The following RTCB variants were observed in gnomAD, a reference collection of about 807,000 sequenced individuals.
RTCB encodes RNA 2',3'-cyclic phosphate and 5'-OH ligase.
RTCB carries 32 observed loss-of-function variants against 58.2 expected under a neutral mutation model. The observed-to-expected ratio is 0.55, with a 90% CI of 0.41 to 0.74. RTCB has a LOEUF of 0.74. Ranked by LOEUF, RTCB falls within the 30% of genes least tolerant of loss-of-function variation. The pLI is 0.00. For synonymous variants in RTCB, 247 were observed against 218.6 expected, an observed-to-expected ratio of 1.13 and a Z score of -1.15; for missense variants, 523 against 639.0, an observed-to-expected ratio of 0.82 and a Z score of 1.96.
chr22:32,387,833 T>C lies in RTCB; in HGVS notation c.*159A>G. 5.3e-6 allele frequency: 3 copies of C among 561,704 alleles called. No homozygotes were observed. The highest frequency in any genetic ancestry group is 2.9e-5 in the Admixed American group (1 of 34,232). 34.8% of individuals were successfully genotyped at this position (561,704 alleles called of 1,614,324 possible). On this transcript the variant is annotated 3_prime_UTR_variant, in exon 12 of 12. Coordinates refer to ENST00000216038, the MANE Select transcript of RTCB (RefSeq NM_014306.5). The stretch of plus-strand genomic sequence containing the variant: ...AGGTTATTTTACAAGCACGGGCCCC[T>C]GAAAGCAGCAGCCTCCCCATCAGCC...
intron 11 of RTCB, 79 bp downstream of exon 11, chr22:32,392,161 A>AAAAGGAAACATCTAGTAT (rs1933163543): frequency 2.1e-6 from 3 of 1,452,790 alleles, no homozygotes; most frequent in Non-Finnish European, 2.8e-6. Context: ...TAACACCCTA[A>AAAAGGAAACATCTAGTAT]ATTGCTGTCT....
In RTCB at chr22:32,399,769, T is replaced by C. The variant is rs1933305421; in HGVS notation, c.498-10A>G. ...GGCCTCCTCCAAGTCTCTGGATAAG[T>C]ATAAAAGGTGCTAGTCATCTCACAG... On this transcript the variant is annotated splice_polypyrimidine_tract_variant and intron_variant, in intron 5 of 11. Coordinates refer to ENST00000216038, the MANE Select transcript of RTCB (RefSeq NM_014306.5). The C allele has an allele frequency of 1.9e-6, 3 of 1,609,952 alleles. No individual in the cohort carries two copies. Among genetic ancestry groups the C allele is most frequent in the South Asian group, 1.1e-5 (1 of 90,558 alleles).
chr22:32,402,221 C>T (rs929876444), intron 4 of RTCB, among the ~76,000 whole-genome samples: 1 of 152,178 alleles, frequency 6.6e-6, no homozygotes, highest in South Asian at 2.1e-4. Context: ...TCAGTCTTTT[C>T]AAATAACCAA....
Position 32,396,086 on chromosome 22 carries a change from G to A in RTCB, c.978C>T (p.Phe326=). The A allele has an allele frequency of 1.9e-6, 3 of 1,614,020 alleles. No individual in the cohort carries two copies. Among genetic ancestry groups the A allele is most frequent in the Non-Finnish European group, 2.5e-6 (3 of 1,179,906 alleles). The change falls in exon 8 of 12, where the codon TTC becomes TTT. Residue 326 remains phenylalanine, a synonymous_variant. Transcript: ENST00000216038. The stretch of plus-strand genomic sequence containing the variant: ...ACTTCTACTGTACCTGACGGGTTAA[G>A]AAGGTCATGGAAGAGCGGTTGACCC... ...YAWVNRSSMT[F]LTRQAFAKVF...
At chr22:32,390,868 A>AT (rs1045167738) in intron 11 of RTCB, among the ~76,000 whole-genome samples, 13 of 151,154 alleles carry the variant, frequency 8.6e-5, no homozygotes, top group South Asian at 4.2e-4. Flanking sequence ...TTTTTTCCTT[A>AT]TTTTTTTTTA....
At position 32,395,206 on chromosome 22, in the gene RTCB, G is replaced by C; in HGVS notation, c.999C>G (p.Ala333=). 1.1e-5 allele frequency: 17 copies of C among 1,613,986 alleles called. No individual in the cohort carries two copies. Among genetic ancestry groups the C allele is most frequent in the Non-Finnish European group, 1.4e-5 (17 of 1,179,922 alleles). Residue 333 remains alanine (A), a synonymous_variant, in exon 9 of 12, where the codon GCC becomes GCG. Transcript: ENST00000216038. ...CATCAGGGGTTGTGTTGAAGACCTT[G>C]GCGAAAGCCTAGGAGAAAACACAGA... is the stretch of plus-strand genomic sequence containing the variant. ...SMTFLTRQAF[A]KVFNTTPDDL... is the part of the protein sequence containing the mutation.
intron 8 of RTCB, 56 bp from the exon 9 acceptor site, chr22:32,395,270 T>A (rs1313762455): frequency 1.0e-5 from 15 of 1,454,196 alleles, no homozygotes; most frequent in Non-Finnish European, 1.4e-5. Context: ...TATGTTCAGC[T>A]CTTCGTGACT....
intron 11 of RTCB, among the ~76,000 whole-genome samples, chr22:32,391,910 T>C (rs1226069707): frequency 6.6e-6 from 1 of 152,234 alleles, no homozygotes; most frequent in Non-Finnish European, 1.5e-5. Flanking sequence ...CTTTTTCAAA[T>C]TTGCTTTCAA....
At chr22:32,401,087 T>C (rs953878282) in intron 5 of RTCB, among the ~76,000 whole-genome samples, 5 of 143,452 alleles carry the variant, frequency 3.5e-5, no homozygotes, top group Middle Eastern at 3.3e-3. Context: ...TATCACCTAC[T>C]AAGTTTTTTT....
At chr22:32,409,962 T>C (rs528006958) in intron 1 of RTCB, among the ~76,000 whole-genome samples, 28 of 151,808 alleles carry the variant, frequency 1.8e-4, no homozygotes, top group Admixed American at 1.3e-3. Flanking sequence ...GGACTACAGG[T>C]GCCCGCCACC....
chr22:32,394,153 C>T (rs940120896), intron 9 of RTCB, 151 bp from the exon 10 acceptor site: 1 of 554,772 alleles, frequency 1.8e-6, no homozygotes, highest in Non-Finnish European at 3.2e-6. Context: ...GCTCTGTCGC[C>T]CAGGCTGGAG....
rs1416211239 is a variant in RTCB at position 32,412,147 on chromosome 22, T to C, written c.10A>G (p.Ser4Gly). MSR[S>G]YNDELQFLEK... ...AAGAACTGCAGCTCATCATTATAGC[T>C]GCGACTCATGGTGGCGAAAACTGTA... The change falls in exon 1 of 12, where the codon AGC becomes GGC. Residue 4 changes from serine to glycine, a missense_variant. By Grantham distance (56) the Ser-to-Gly change is moderately conservative (BLOSUM62 0). Coordinates refer to ENST00000216038, the MANE Select transcript of RTCB (RefSeq NM_014306.5). 1 of 1,596,134 alleles carries C rather than the reference T, an allele frequency of 6.3e-7. No homozygotes were observed. Among genetic ancestry groups the C allele is most frequent in the African/African-American group, 1.4e-5 (1 of 73,794 alleles).
intron 5 of RTCB, chr22:32,400,123 C>T (rs1364934114): frequency 5.9e-6 from 1 of 169,054 alleles, no homozygotes; most frequent in African/African-American, 2.4e-5. Flanking sequence ...ACAACAACAA[C>T]AACTCTGTAA....
In RTCB at chr22:32,406,760, C is replaced by A. The variant is rs779984982; in HGVS notation, c.242G>T (p.Arg81Leu). 4.4e-6 allele frequency: 7 copies of A among 1,606,660 alleles called. No individual in the cohort carries two copies. The Admixed American group carries it at 6.7e-5, about 15-fold the overall frequency. The change falls in exon 4 of 12, where the codon CGA (arginine) becomes CTA (leucine). Residue 81 changes from arginine to leucine, a missense_variant and splice_region_variant. Physicochemically the swap from Arg to Leu is moderately radical, Grantham distance 102. Transcript: ENST00000216038. ...NVAALPGIVH[R>L]SIGLPDVHSG... ...ATGGACATCAGGAAGCCCAATAGAT[C>A]GCTGAAAAAGAATTAGAAAATGAAA...
intron 4 of RTCB, among the ~76,000 whole-genome samples, chr22:32,406,152 C>T (rs1024476190): frequency 6.6e-6 from 1 of 152,104 alleles, no homozygotes; most frequent in Non-Finnish European, 1.5e-5. Context: ...GTAGGAGCCT[C>T]CCAAAATTTT....
Position 32,393,947 on chromosome 22 carries a change from A to G in RTCB, c.1235T>C (p.Leu412Pro), listed in dbSNP as rs765879347. 2.5e-6 allele frequency: 4 copies of G among 1,614,076 alleles called. No homozygotes were observed. The highest frequency in any genetic ancestry group is 3.4e-6 in the Non-Finnish European group (4 of 1,180,024). ...AGTCATGCCCTGTTCAGTGCCAGTA[A>G]GAACATAACTACAGGTTCCCATGGT... ...GGTMGTCSYV[L>P]TGTEQGMTET... Residue 412 changes from leucine (L) to proline (P), a missense_variant, in exon 10 of 12, where the codon CTT becomes CCT. This residue lies in a region of RTCB where 248 missense variants were observed against 292.5 expected (regional missense o/e 0.85). Transcript: ENST00000216038.
intron 4 of RTCB, among the ~76,000 whole-genome samples, chr22:32,405,225 T>A (rs1933400151): frequency 2.0e-5 from 3 of 152,174 alleles, no homozygotes; most frequent in African/African-American, 4.8e-5. Flanking sequence ...ACTTATATAT[T>A]CTTGTCTTTA....
chr22:32,398,909 C>A (rs1276462130), intron 6 of RTCB, among the ~76,000 whole-genome samples: 1 of 152,162 alleles, frequency 6.6e-6, no homozygotes, highest in East Asian at 1.9e-4. Context: ...TTTTAACCAT[C>A]CCAGTTTTCC....
chr22:32,399,271 G>C (rs969250861), intron 6 of RTCB, among the ~76,000 whole-genome samples: 2 of 151,720 alleles, frequency 1.3e-5, no homozygotes, highest in Non-Finnish European at 2.9e-5. Context: ...TGAGTAGCTG[G>C]GATTACTTGC....
Sources: gnomAD v4.1 joint callset for allele counts (sites outside exome capture counted in the v4.1 genomes callset) on GRCh38, gnomAD v4.1.1 for gene constraint, gnomAD v4.1.1 regional missense constraint, MANE v1.5 for transcripts, NCBI Gene and HGNC (gene_info 2026-07-23, HGNC 2026-07-21) for gene names.